USP22: variants seen among roughly 807,000 people sequenced by gnomAD.
The protein encoded by USP22 is ubiquitin specific peptidase 22.
A neutral mutation model predicts 68.1 loss-of-function variants in USP22; 22 were observed. That is an observed-to-expected ratio of 0.32 (90% CI 0.23 to 0.46). The LOEUF is 0.46. Among genes scored for constraint, USP22 ranks in the 20% least tolerant of loss-of-function variants. The pLI, the probability that USP22 is intolerant of heterozygous loss-of-function variation, is 1.00. For missense variants in USP22, 433 were observed against 695.8 expected, an observed-to-expected ratio of 0.62 and a Z score of 4.25; for synonymous variants, 279 against 274.2, an observed-to-expected ratio of 1.02 and a Z score of -0.17.
At chr17:21,042,630 C>A in intron 1 of USP22, 35 bp downstream of exon 1, 1 of 1,259,526 alleles carries the variant, frequency 7.9e-7, no homozygotes, top group Non-Finnish European at 1.0e-6. Context: ...GGCAGAAGGC[C>A]CCGAGCCCGC....
intron 8 of USP22, among the ~76,000 whole-genome samples, chr17:21,010,781 T>C (rs906808370): frequency 4.6e-5 from 7 of 152,232 alleles, no homozygotes; most frequent in Middle Eastern, 3.4e-3. Flanking sequence ...GTTTTAATCA[T>C]GTGCAGAGAA....
At chr17:21,035,627 A>G (rs536410321) in intron 1 of USP22, among the ~76,000 whole-genome samples, 30 of 152,338 alleles carry the variant, frequency 2.0e-4, no homozygotes, top group Middle Eastern at 3.4e-3. Flanking sequence ...TTCAACAGAT[A>G]AAGTAGAAGC....
At chr17:21,036,525 G>T (rs1025729514) in intron 1 of USP22, among the ~76,000 whole-genome samples, 3 of 142,832 alleles carry the variant, frequency 2.1e-5, no homozygotes, top group South Asian at 2.5e-4. Context: ...CTGTAAGGGG[G>T]GGGGGGGTCA....
intron 2 of USP22, among the ~76,000 whole-genome samples, chr17:21,023,137 T>C (rs1597696347): frequency 6.6e-6 from 1 of 151,868 alleles, no homozygotes; most frequent in African/African-American, 2.4e-5. Flanking sequence ...TTAGAACACA[T>C]GGACACAAGA....
intron 1 of USP22, among the ~76,000 whole-genome samples, chr17:21,029,403 CT>C (rs1382892143): frequency 3.8e-4 from 58 of 152,342 alleles, no homozygotes; most frequent in African/African-American, 1.4e-3. Context: ...TATACACCTA[CT>C]ATGTACCCAT....
intron 9 of USP22, among the ~76,000 whole-genome samples, chr17:21,007,621 CCA>C (rs1230349020): frequency 1.3e-5 from 2 of 152,178 alleles, no homozygotes; most frequent in South Asian, 2.1e-4. Flanking sequence ...AACTTCACAA[CCA>C]CTCTGCTCCC....
rs1273090443 is a variant in USP22, at chr17:21,028,683, CAG to C, written c.172-11_172-10del. The C allele has an allele frequency of 4.3e-6, 7 of 1,613,210 alleles. No homozygotes were observed. Among genetic ancestry groups the C allele is most frequent in the African/African-American group, 1.3e-5 (1 of 74,850 alleles). Reference sequence around the variant, plus strand: ...CAGATACAGGACTTGGCCTGAAATTCAGAGAAGAGGAGGAGTGAACGCTGTGT... The same window carrying C: ...CAGATACAGGACTTGGCCTGAAATTCAGAAGAGGAGGAGTGAACGCTGTGT... On this transcript the variant is annotated splice_polypyrimidine_tract_variant and intron_variant, in intron 1 of 12. Transcript: ENST00000261497.
At chr17:21,008,801 G>A (rs1452515231) in intron 8 of USP22, among the ~76,000 whole-genome samples, 1 of 152,124 alleles carries the variant, frequency 6.6e-6, no homozygotes, top group Admixed American at 6.5e-5. Flanking sequence ...GTAGAGAGGT[G>A]AGAGGTCGGC....
In USP22 at chr17:21,011,212, T is replaced by G. The variant is rs1384857979; in HGVS notation, c.1042A>C (p.Asn348His). ...FWPLSPGSEG[N>H]VVNGESHVSG... The stretch of plus-strand genomic sequence containing the variant: ...ACGTGGCTTTCCCCGTTTACCACGT[T>G]GCCCTCGCTCCCTGGGCTCAGGGGC... The change falls in exon 8 of 13, where the codon AAC (asparagine) becomes CAC (histidine). Residue 348 changes from asparagine (N) to histidine (H), a missense_variant. Asn to His is a moderately conservative substitution (Grantham distance 68). This residue lies in a region of USP22 where 178 missense variants were observed against 351.5 expected (regional missense o/e 0.51). Transcript: ENST00000261497. 6.2e-7 allele frequency: 1 copy of G among 1,612,450 alleles called. No homozygotes were observed. The highest frequency in any genetic ancestry group is 8.5e-7 in the Non-Finnish European group (1 of 1,179,272).
At chr17:21,031,234 A>C (rs1253485626) in intron 1 of USP22, among the ~76,000 whole-genome samples, 2 of 152,234 alleles carry the variant, frequency 1.3e-5, no homozygotes, top group Non-Finnish European at 2.9e-5. Context: ...CTTTTGTAGC[A>C]TTATTACTTG....
chr17:21,017,082 C>T (rs745892756), intron 5 of USP22, among the ~76,000 whole-genome samples: 19 of 152,170 alleles, frequency 1.2e-4, no homozygotes, highest in Admixed American at 5.2e-4. Flanking sequence ...CGGTTAGGCT[C>T]GACCAGAGGC....
intron 8 of USP22, 44 bp downstream of exon 8, chr17:21,011,107 T>G (rs776887276): frequency 1.3e-6 from 2 of 1,537,336 alleles, no homozygotes; most frequent in South Asian, 2.5e-5. Context: ...CACAGCCTTC[T>G]GGCCAGGAGA....
intron 5 of USP22, 65 bp downstream of exon 5, chr17:21,017,877 T>A: frequency 2.2e-6 from 3 of 1,387,732 alleles, no homozygotes; most frequent in Non-Finnish European, 3.0e-6. Flanking sequence ...CCACCTTAAA[T>A]TTTTTTTTTG....
At chr17:21,028,936 T>C (rs1195356591) in intron 1 of USP22, among the ~76,000 whole-genome samples, 1 of 145,808 alleles carries the variant, frequency 6.9e-6, no homozygotes, top group Non-Finnish European at 1.5e-5. Context: ...TACGGGGATG[T>C]TCCCCCACCT....
At chr17:21,003,337 T>A (rs1329729701) in intron 12 of USP22, among the ~76,000 whole-genome samples, 1 of 152,008 alleles carries the variant, frequency 6.6e-6, no homozygotes, top group Admixed American at 6.5e-5. Flanking sequence ...CCACAGCCTC[T>A]CCCCCACTTG....
chr17:21,026,970 T>A (rs1972228591), intron 2 of USP22, among the ~76,000 whole-genome samples: 1 of 151,886 alleles, frequency 6.6e-6, no homozygotes, highest in South Asian at 2.1e-4. Flanking sequence ...CCCAGCTAAC[T>A]TTTTTGTTAT....
Position 21,002,941 on chromosome 17 carries a change from G to A in USP22, c.*90C>T. On this transcript the variant is annotated 3_prime_UTR_variant, in exon 13 of 13. Transcript: ENST00000261497. ...TGTCACCAGGCCGGGGAGGCGGCGG[G>A]AGACTTGGGGGAGGGGGGGGCCAGG... 6.6e-7 allele frequency: 1 copy of A among 1,512,120 alleles called. No homozygotes were observed. Among genetic ancestry groups the A allele is most frequent in the Non-Finnish European group, 9.1e-7 (1 of 1,100,332 alleles). The allele number at this position is 1,512,120 out of a possible 1,614,324, so 93.7% of individuals were successfully genotyped here.
intron 6 of USP22, among the ~76,000 whole-genome samples, chr17:21,015,235 T>C (rs1914094642): frequency 6.6e-6 from 1 of 152,196 alleles, no homozygotes; most frequent in Non-Finnish European, 1.5e-5. Context: ...GCTGTGGGAC[T>C]ATGTTGGGGG....
At chr17:21,032,335 CATT>C (rs1972300551) in intron 1 of USP22, among the ~76,000 whole-genome samples, 1 of 150,730 alleles carries the variant, frequency 6.6e-6, no homozygotes, top group East Asian at 2.0e-4. Context: ...GCCAACACTG[CATT>C]ATTATTTTTC....
Sources: allele counts gnomAD v4.1 joint callset (sites outside exome capture counted in the v4.1 genomes callset), GRCh38; gene constraint gnomAD v4.1.1; regional missense constraint gnomAD v4.1.1; transcripts MANE v1.5; gene names NCBI Gene and HGNC (gene_info 2026-07-23, HGNC 2026-07-21).